AP3B1: variants seen among roughly 807,000 people sequenced by gnomAD.
The protein encoded by AP3B1 is AP-3 complex subunit beta-1.
Under a neutral mutation model 132.5 loss-of-function variants are expected in AP3B1, and 61 were observed. The observed-to-expected ratio is 0.46, with a 90% CI of 0.37 to 0.57. The LOEUF (loss-of-function observed/expected upper bound fraction) is 0.57. Ranked by LOEUF, AP3B1 falls within the 20% of genes least tolerant of loss-of-function variation. The pLI is 0.00. For missense variants in AP3B1, 1,120 were observed against 1,289.4 expected (o/e 0.87, Z 2.01); for synonymous variants, 388 against 438.3 (o/e 0.89, Z 1.43).
intron 7 of AP3B1, among the ~76,000 whole-genome samples, chr5:78,209,541 A>G (rs1000417369): frequency 6.6e-6 from 1 of 152,176 alleles, no homozygotes; most frequent in South Asian, 2.1e-4. Context: ...GATTGAACCA[A>G]TGTGCATCTT....
intron 12 of AP3B1, among the ~76,000 whole-genome samples, chr5:78,163,195 T>C (rs377449811): frequency 2.8e-4 from 43 of 152,252 alleles, no homozygotes; most frequent in African/African-American, 1.0e-3. Context: ...CCATAGTGGC[T>C]TGAGACTCCA....
At chr5:78,190,108 G>T (rs1744768609) in intron 7 of AP3B1, among the ~76,000 whole-genome samples, 1 of 151,642 alleles carries the variant, frequency 6.6e-6, no homozygotes, top group Non-Finnish European at 1.5e-5. Flanking sequence ...AAATAAAAGG[G>T]ATTATTTGAA....
intron 3 of AP3B1, among the ~76,000 whole-genome samples, chr5:78,239,610 CA>C (rs70997975): frequency 8.2e-5 from 12 of 147,176 alleles, no homozygotes; most frequent in Admixed American, 2.7e-4. Flanking sequence ...CCTGTCTCTA[CA>C]AAAAAAAAAT....
chr5:78,219,105 A>G (rs563057687), intron 6 of AP3B1, among the ~76,000 whole-genome samples: 1 of 152,268 alleles, frequency 6.6e-6, no homozygotes, highest in East Asian at 1.9e-4. Flanking sequence ...TTCATTAAAC[A>G]TAATTTTATA....
chr5:78,227,447 G>C lies in AP3B1; in HGVS notation c.461C>G (p.Ala154Gly). The C allele has an allele frequency of 6.2e-7, 1 of 1,613,684 alleles. No homozygotes were observed. The highest frequency in any genetic ancestry group is 8.5e-7 in the Non-Finnish European group (1 of 1,179,748). Residue 154 changes from alanine to glycine, a missense_variant, in exon 5 of 27, where the codon GCT (alanine) becomes GGT (glycine). By Grantham distance (60) the Ala-to-Gly change is moderately conservative. Around this residue, in one of 3 missense-constraint regions of AP3B1, gnomAD observed 129 missense variants for 212.4 expected, o/e 0.61. Coordinates refer to ENST00000255194, the MANE Select transcript of AP3B1 (RefSeq NM_003664.5). ...VPIIVPIMML[A>G]IKEASADLSP... ...TAAGTCAGCAGAAGCTTCCTTAATAGCAAGCATCATGATAGGTACAATAAT... is the reference window on the plus strand; with the variant it reads ...TAAGTCAGCAGAAGCTTCCTTAATACCAAGCATCATGATAGGTACAATAAT...
At chr5:78,203,008 T>C (rs1322329700) in intron 7 of AP3B1, among the ~76,000 whole-genome samples, 1 of 152,202 alleles carries the variant, frequency 6.6e-6, no homozygotes, top group Non-Finnish European at 1.5e-5. Flanking sequence ...AAGAACTTAC[T>C]TGTTGACTTT....
At chr5:78,113,562 A>G (rs898619354) in intron 19 of AP3B1, among the ~76,000 whole-genome samples, 190 bp downstream of exon 19, 1 of 152,230 alleles carries the variant, frequency 6.6e-6, no homozygotes, top group African/African-American at 2.4e-5. Flanking sequence ...CAAGTTCAAA[A>G]TGAAAGCTAA....
chr5:78,225,135 A>G (rs957628609), intron 6 of AP3B1, among the ~76,000 whole-genome samples: 3 of 152,126 alleles, frequency 2.0e-5, no homozygotes, highest in African/African-American at 7.2e-5. Context: ...CCCTGATGAT[A>G]GCATCCTAAG....
chr5:78,129,032 A>G (rs1254040649), intron 16 of AP3B1, 89 bp downstream of exon 16: 4 of 1,072,806 alleles, frequency 3.7e-6, no homozygotes, highest in Non-Finnish European at 5.4e-6. Flanking sequence ...ATATTTCCTA[A>G]GAGATAAATT....
intron 24 of AP3B1, among the ~76,000 whole-genome samples, chr5:78,026,767 T>C (rs1580254777): frequency 1.3e-5 from 2 of 152,216 alleles, no homozygotes; most frequent in Non-Finnish European, 2.9e-5. Context: ...AGAGTACATG[T>C]TTTTCTCTAC....
At chr5:78,020,899 C>A in intron 24 of AP3B1, 110 bp from the exon 25 acceptor site, 1 of 881,518 alleles carries the variant, frequency 1.1e-6, no homozygotes, top group African/African-American at 1.7e-5. Flanking sequence ...CAGTATAAGA[C>A]CTTTTTGGTT....
At position 78,140,918 on chromosome 5, in the gene AP3B1, T is replaced by C. The variant is rs1051177278; in HGVS notation, c.1650+225A>G. 5.9e-5 allele frequency among the ~76,000 whole-genome samples: 9 copies of C among 152,346 alleles called. No individual in the cohort carries two copies. In the East Asian group the frequency reaches 1.7e-3, roughly 29 times the overall value. On this transcript the variant is annotated intron_variant, in intron 15 of 26. Coordinates refer to ENST00000255194, the MANE Select transcript of AP3B1 (RefSeq NM_003664.5). ...GAATTCCACTGTATGTCAATACTTC[T>C]GCTACAGCATTAACACACACTATTT... is the stretch of plus-strand genomic sequence containing the variant.
chr5:78,093,816 C>A (rs1230269940), intron 21 of AP3B1, among the ~76,000 whole-genome samples: 1 of 152,096 alleles, frequency 6.6e-6, no homozygotes, highest in Non-Finnish European at 1.5e-5. Context: ...TAAATGACTC[C>A]CAAAAGTATT....
intron 22 of AP3B1, among the ~76,000 whole-genome samples, chr5:78,080,453 C>CTTTTTTT (rs536764034): frequency 7.2e-6 from 1 of 138,192 alleles, no homozygotes. Flanking sequence ...TTCCAATTTT[C>CTTTTTTT]TTTTTTTTTT....
intron 2 of AP3B1, among the ~76,000 whole-genome samples, chr5:78,247,808 T>C (rs1747440068): frequency 6.6e-6 from 1 of 152,164 alleles, no homozygotes; most frequent in Non-Finnish European, 1.5e-5. Context: ...ATTGGTAATG[T>C]CAGACCACTT....
chr5:78,127,936 T>A, intron 17 of AP3B1, 94 bp downstream of exon 17: 1 of 1,466,804 alleles, frequency 6.8e-7, no homozygotes, highest in Non-Finnish European at 9.5e-7. Flanking sequence ...AATTTTCAAT[T>A]TTCAACTCTC....
intron 17 of AP3B1, among the ~76,000 whole-genome samples, chr5:78,119,712 C>G (rs1227714588): frequency 1.3e-5 from 2 of 152,174 alleles, no homozygotes; most frequent in African/African-American, 2.4e-5. Flanking sequence ...ATCTACGTCT[C>G]ATTGGTGTAC....
intron 2 of AP3B1, among the ~76,000 whole-genome samples, chr5:78,254,536 A>G (rs2112541484): frequency 1.3e-5 from 2 of 152,260 alleles, no homozygotes; most frequent in South Asian, 4.1e-4. Context: ...GGAAACAGGT[A>G]AGGTTTCCTA....
intron 7 of AP3B1, among the ~76,000 whole-genome samples, chr5:78,189,869 CAAATAAAATAAAATAAAATA>C (rs55792888): frequency 0.05 from 5,135 of 102,266 alleles, 163 homozygotes; most frequent in African/African-American, 0.11. Flanking sequence ...GACTCCATCT[CAAATAAAATAAAATAAAATA>C]AAATAAAATA....
Sources: gnomAD v4.1 joint callset for allele counts (sites outside exome capture counted in the v4.1 genomes callset) on GRCh38, gnomAD v4.1.1 for gene constraint, gnomAD v4.1.1 regional missense constraint, MANE v1.5 for transcripts, NCBI Gene and HGNC (gene_info 2026-07-23, HGNC 2026-07-21) for gene names.